Variants in FRK observed in about 807,000 individuals in gnomAD.
FRK encodes tyrosine-protein kinase FRK.
Under a neutral mutation model 56.4 loss-of-function variants are expected in FRK, and 51 were observed. That is an observed-to-expected ratio of 0.90 (90% CI 0.72 to 1.14). The LOEUF (loss-of-function observed/expected upper bound fraction) is 1.14. Among genes scored for constraint, FRK ranks in the 50% most tolerant of loss-of-function variants. The pLI is 0.00. For missense variants in FRK, 570 were observed against 601.4 expected, an observed-to-expected ratio of 0.95 and a Z score of 0.55; for synonymous variants, 245 against 217.9, an observed-to-expected ratio of 1.12 and a Z score of -1.10.
At chr6:116,036,471 T>C (rs993778052) in intron 1 of FRK, among the ~76,000 whole-genome samples, 1 of 152,328 alleles carries the variant, frequency 6.6e-6, no homozygotes, top group East Asian at 1.9e-4. Context: ...AACATGAGTT[T>C]GAAAAATAAT....
the FRK span, among the ~76,000 whole-genome samples, chr6:116,100,136 T>C: frequency 6.6e-6 from 1 of 152,230 alleles, no homozygotes; most frequent in Non-Finnish European, 1.5e-5. Context: ...TATATTTCTA[T>C]GAAGTTTCTG....
At position 116,002,400 on chromosome 6, in the gene FRK, C is replaced by T. The variant is rs141350397; in HGVS notation, c.466+1477G>A. Among the ~76,000 whole-genome samples, 127 of 152,280 alleles carry T rather than the reference C, an allele frequency of 8.3e-4. 1 individual carries two copies. The highest frequency in any genetic ancestry group is 1.2e-3 in the Non-Finnish European group (85 of 68,002). ...TTGGGAGGCCAAGGGCGGTGGATCA[C>T]GAGGCCAGGAGATCGAGACCATCCT... is the stretch of plus-strand genomic sequence containing the variant. On this transcript the variant is annotated intron_variant, in intron 2 of 7. Coordinates refer to ENST00000606080, the MANE Select transcript of FRK (RefSeq NM_002031.3).
chr6:116,010,213 C>T (rs1775412880), intron 1 of FRK, among the ~76,000 whole-genome samples: 1 of 146,942 alleles, frequency 6.8e-6, no homozygotes, highest in Non-Finnish European at 1.5e-5. Flanking sequence ...GATTCTGTCT[C>T]GAAAAAAAAA....
chr6:116,076,301 T>C, the FRK span, among the ~76,000 whole-genome samples: 2 of 152,230 alleles, frequency 1.3e-5, no homozygotes, highest in Non-Finnish European at 2.9e-5. Flanking sequence ...TATGCAAATA[T>C]AAAATACTAA....
intron 1 of FRK, among the ~76,000 whole-genome samples, chr6:116,016,706 C>T (rs940229998): frequency 8.5e-5 from 13 of 152,108 alleles, no homozygotes; most frequent in Admixed American, 2.0e-4. Flanking sequence ...CAAGCACACA[C>T]GTTCTCTTTC....
chr6:116,067,348 T>G, the FRK span, among the ~76,000 whole-genome samples: 1 of 152,352 alleles, frequency 6.6e-6, no homozygotes, highest in South Asian at 2.1e-4. Flanking sequence ...CCAAAGGAAC[T>G]ATTACAGCAT....
chr6:116,064,510 G>C (rs1026074289), upstream of FRK, among the ~76,000 whole-genome samples: 3 of 152,186 alleles, frequency 2.0e-5, no homozygotes, highest in Non-Finnish European at 4.4e-5. Context: ...CAATTGGGGA[G>C]AGATAAACAT....
At chr6:116,096,355 T>C in the FRK span, among the ~76,000 whole-genome samples, 1 of 152,170 alleles carries the variant, frequency 6.6e-6, no homozygotes, top group Non-Finnish European at 1.5e-5. Context: ...CGAGTGGGGA[T>C]TTTTTGTGTC....
chr6:116,062,840 G>T (rs1777672111), upstream of FRK, among the ~76,000 whole-genome samples: 1 of 152,164 alleles, frequency 6.6e-6, no homozygotes, highest in South Asian at 2.1e-4. Context: ...GTTTCTTTGA[G>T]CTAATCAATC....
the FRK span, among the ~76,000 whole-genome samples, chr6:116,074,199 C>G: frequency 7.5e-4 from 114 of 152,316 alleles, no homozygotes; most frequent in Admixed American, 3.1e-3. Context: ...TATCCTAAAG[C>G]TAAAACCAGG....
chr6:115,944,451 A>T lies in FRK; in HGVS notation c.959-26T>A, dbSNP rs368585926. On this transcript the variant is annotated intron_variant, in intron 5 of 7. Coordinates refer to ENST00000606080, the MANE Select transcript of FRK (RefSeq NM_002031.3). Reference sequence around the variant, plus strand: ...CTAAGTAATAAGAGAAAAGTAAGAAAGTTACCTTAGAGAACATTTGAACTA... The same window carrying T: ...CTAAGTAATAAGAGAAAAGTAAGAATGTTACCTTAGAGAACATTTGAACTA... 3.2e-5 allele frequency: 49 copies of T among 1,554,694 alleles called. No homozygotes were observed. The African/African-American group carries it at 4.7e-4, about 15-fold the overall frequency.
chr6:116,096,041 T>C, the FRK span, among the ~76,000 whole-genome samples: 1 of 152,222 alleles, frequency 6.6e-6, no homozygotes, highest in African/African-American at 2.4e-5. Context: ...GGCCCTTTAT[T>C]TTTAACCTCC....
the FRK span, among the ~76,000 whole-genome samples, chr6:116,087,934 G>C: frequency 6.6e-6 from 1 of 152,172 alleles, no homozygotes; most frequent in Non-Finnish European, 1.5e-5. Flanking sequence ...GTGCCCAAGG[G>C]CCTTCTCTGA....
chr6:116,021,028 T>C (rs1302580616), intron 1 of FRK, among the ~76,000 whole-genome samples: 1 of 152,146 alleles, frequency 6.6e-6, no homozygotes, highest in Non-Finnish European at 1.5e-5. Context: ...TGCTTTGAAA[T>C]GTAATATTTT....
At chr6:116,078,298 GT>G in the FRK span, among the ~76,000 whole-genome samples, 26,056 of 152,064 alleles carry the variant, frequency 0.17, 2,644 homozygotes, top group African/African-American at 0.28. Context: ...GGATAATATT[GT>G]TTTTTATTAC....
intron 1 of FRK, among the ~76,000 whole-genome samples, chr6:116,021,459 G>C (rs1775870039): frequency 6.6e-6 from 1 of 152,080 alleles, no homozygotes; most frequent in Non-Finnish European, 1.5e-5. Flanking sequence ...TGAGTAAAAA[G>C]AGTGATACAG....
intron 1 of FRK, among the ~76,000 whole-genome samples, chr6:116,042,946 G>C (rs1027940289): frequency 1.3e-5 from 2 of 151,912 alleles, no homozygotes; most frequent in Admixed American, 1.3e-4. Context: ...CCTAGTCTCT[G>C]ATAAGACAGA....
chr6:116,034,881 T>C (rs931783333), intron 1 of FRK, among the ~76,000 whole-genome samples: 3 of 152,056 alleles, frequency 2.0e-5, no homozygotes, highest in African/African-American at 7.2e-5. Context: ...ACAGATAGAA[T>C]TATATGATGC....
At chr6:115,956,722 C>T in intron 4 of FRK, 112 bp from the exon 5 acceptor site, 4 of 764,600 alleles carry the variant, frequency 5.2e-6, no homozygotes, top group Non-Finnish European at 8.0e-6. Context: ...GAGTAAGAGC[C>T]TCAGTATCAC....
Sources: allele counts gnomAD v4.1 joint callset (sites outside exome capture counted in the v4.1 genomes callset), GRCh38; gene constraint gnomAD v4.1.1; transcripts MANE v1.5; gene names NCBI Gene and HGNC (gene_info 2026-07-23, HGNC 2026-07-21).